The following PDE1C variants were observed in gnomAD, a reference collection of about 807,000 sequenced individuals.
The protein encoded by PDE1C is phosphodiesterase 1C, also known as dual specificity calcium/calmodulin-dependent 3',5'-cyclic nucleotide phosphodiesterase 1C.
Under a neutral mutation model 93.1 loss-of-function variants are expected in PDE1C, and 62 were observed. That is an observed-to-expected ratio of 0.67 (90% CI 0.54 to 0.82). The LOEUF (loss-of-function observed/expected upper bound fraction) is 0.82. Among genes scored for constraint, PDE1C ranks in the 40% least tolerant of loss-of-function variants. The pLI is 0.00. For missense variants in PDE1C, 742 were observed against 884.6 expected, an observed-to-expected ratio of 0.84 and a Z score of 2.04; for synonymous variants, 325 against 310.1, an observed-to-expected ratio of 1.05 and a Z score of -0.50.
At chr7:32,148,780 G>T (rs543365611) in intron 3 of PDE1C, among the ~76,000 whole-genome samples, 6 of 152,140 alleles carry the variant, frequency 3.9e-5, no homozygotes, top group Non-Finnish European at 4.4e-5. Flanking sequence ...CTATAAATGT[G>T]GGTTGAATAA....
At chr7:32,246,271 T>C (rs1808946664) in intron 1 of PDE1C, among the ~76,000 whole-genome samples, 1 of 152,054 alleles carries the variant, frequency 6.6e-6, no homozygotes, top group African/African-American at 2.4e-5. Context: ...TCCTGGCCAT[T>C]CGACGTATGA....
At chr7:31,749,253 G>GA (rs200795767), downstream of PDE1C, among the ~76,000 whole-genome samples, 19 of 150,776 alleles carry the variant, frequency 1.3e-4, no homozygotes, top group Admixed American at 6.6e-4. Context: ...TAACTGAATG[G>GA]AAAAAAAAAT....
At chr7:31,757,297 A>T (rs928740731) in intron 17 of PDE1C, among the ~76,000 whole-genome samples, 1 of 152,252 alleles carries the variant, frequency 6.6e-6, no homozygotes, top group Non-Finnish European at 1.5e-5. Context: ...ATCTCTGAGT[A>T]GCATAAACAT....
intron 1 of PDE1C, among the ~76,000 whole-genome samples, chr7:32,266,215 C>T (rs1810561342): frequency 6.6e-6 from 1 of 151,798 alleles, no homozygotes; most frequent in African/African-American, 2.4e-5. Flanking sequence ...CTGGGAGGTA[C>T]AGCTTGCAGT....
At chr7:31,872,735 G>A (rs946577597) in intron 6 of PDE1C, among the ~76,000 whole-genome samples, 5 of 152,128 alleles carry the variant, frequency 3.3e-5, no homozygotes, top group Non-Finnish European at 7.4e-5. Context: ...AGAGTCTACA[G>A]TATTAGAAGG....
intron 1 of PDE1C, among the ~76,000 whole-genome samples, chr7:32,359,378 A>G (rs574423803): frequency 1.3e-5 from 2 of 148,248 alleles, no homozygotes; most frequent in East Asian, 2.0e-4. Context: ...CCTTAACGGT[A>G]TGTATGTGTA....
intron 6 of PDE1C, among the ~76,000 whole-genome samples, chr7:31,865,379 G>A (rs1373842951): frequency 6.6e-6 from 1 of 152,132 alleles, no homozygotes; most frequent in African/African-American, 2.4e-5. Context: ...ATGTAAAGCA[G>A]TAATTTTTAA....
At chr7:32,191,182 T>C (rs184371943) in intron 2 of PDE1C, among the ~76,000 whole-genome samples, 218 of 152,328 alleles carry the variant, frequency 1.4e-3, no homozygotes, top group African/African-American at 5.0e-3. Flanking sequence ...TTTGAGAGAA[T>C]TGTAAATTCA....
intron 2 of PDE1C, among the ~76,000 whole-genome samples, chr7:31,898,023 TGTGTGTGTGTGTGTGTGTG>T (rs1562993989): frequency 7.1e-4 from 19 of 26,818 alleles, no homozygotes; most frequent in African/African-American, 1.9e-3. Flanking sequence ...GGTTTCTTTG[TGTGTGTGTGTGTGTGTGTG>T]TGTGTGTGTG....
chr7:31,974,648 C>T (rs916720332), intron 2 of PDE1C, among the ~76,000 whole-genome samples: 2 of 152,196 alleles, frequency 1.3e-5, no homozygotes, highest in South Asian at 2.1e-4. Context: ...GGAGGGAGGG[C>T]TAGCCAAGCC....
intron 1 of PDE1C, among the ~76,000 whole-genome samples, chr7:32,055,694 A>C (rs950133883): frequency 3.3e-5 from 5 of 152,194 alleles, no homozygotes; most frequent in African/African-American, 1.2e-4. Flanking sequence ...CCTGACTCGC[A>C]ATCTGAAAGA....
chr7:31,934,880 C>T (rs1408275055), intron 2 of PDE1C, among the ~76,000 whole-genome samples: 8 of 152,124 alleles, frequency 5.3e-5, no homozygotes, highest in African/African-American at 1.9e-4. Flanking sequence ...AAATAAATTC[C>T]TCCAACACTG....
the PDE1C span, among the ~76,000 whole-genome samples, chr7:31,622,384 G>C: frequency 1.3e-5 from 2 of 152,098 alleles, no homozygotes; most frequent in African/African-American, 4.8e-5. Context: ...AAATGTAAAA[G>C]AACAGAAATC....
At chr7:32,403,336 G>A (rs1784988046) in intron 1 of PDE1C, among the ~76,000 whole-genome samples, 1 of 152,188 alleles carries the variant, frequency 6.6e-6, no homozygotes, top group Non-Finnish European at 1.5e-5. Flanking sequence ...CTCCACTGTA[G>A]ATTTCCACTT....
chr7:31,996,070 C>CGG (rs1784687372), intron 2 of PDE1C, among the ~76,000 whole-genome samples: 1 of 89,822 alleles, frequency 1.1e-5, no homozygotes, highest in Non-Finnish European at 2.3e-5. Flanking sequence ...CTTCCGGACA[C>CGG]ACACACACAC....
At chr7:32,110,012 T>TA (rs1310473506) in intron 3 of PDE1C, among the ~76,000 whole-genome samples, 7 of 152,186 alleles carry the variant, frequency 4.6e-5, no homozygotes, top group Non-Finnish European at 4.4e-5. Context: ...GATGATTTTT[T>TA]AAATTCAGAG....
intron 2 of PDE1C, among the ~76,000 whole-genome samples, chr7:31,885,234 A>G (rs891811660): frequency 3.9e-5 from 6 of 152,194 alleles, no homozygotes; most frequent in African/African-American, 1.2e-4. Context: ...TACAAATAAT[A>G]ATAATATTAA....
At chr7:32,040,566 T>C (rs1033688449) in intron 2 of PDE1C, among the ~76,000 whole-genome samples, 26 of 152,294 alleles carry the variant, frequency 1.7e-4, no homozygotes, top group African/African-American at 5.1e-4. Context: ...CTAAAGGTCA[T>C]ATGCTTAGAA....
chr7:31,968,691 G>A (rs1299343279), intron 2 of PDE1C, among the ~76,000 whole-genome samples: 1 of 152,140 alleles, frequency 6.6e-6, no homozygotes, highest in Non-Finnish European at 1.5e-5. Flanking sequence ...GAGGCATCAT[G>A]CTACCTGACT....
Sources: gnomAD v4.1 joint callset for allele counts (sites outside exome capture counted in the v4.1 genomes callset) on GRCh38, gnomAD v4.1.1 for gene constraint, MANE v1.5 for transcripts, NCBI Gene and HGNC (gene_info 2026-07-23, HGNC 2026-07-21) for gene names.